Variants in EPHA6 observed in about 807,000 individuals in gnomAD.
The protein encoded by EPHA6 is EPH receptor A6.
A neutral mutation model predicts 112.0 loss-of-function variants in EPHA6; 50 were observed. The observed-to-expected ratio is 0.45, with a 90% CI of 0.36 to 0.56. The LOEUF (loss-of-function observed/expected upper bound fraction) is 0.56, where lower values mean the gene tolerates loss of function less well. Among genes scored for constraint, EPHA6 ranks in the 20% least tolerant of loss-of-function variants. EPHA6 has a pLI of 0.00. For missense variants in EPHA6, 1,280 were observed against 1,417.4 expected (o/e 0.90, Z 1.56); for synonymous variants, 529 against 490.7 (o/e 1.08, Z -1.03).
At chr3:97,070,065 CAT>C (rs745679422) in intron 3 of EPHA6, among the ~76,000 whole-genome samples, 5 of 152,140 alleles carry the variant, frequency 3.3e-5, no homozygotes, top group Non-Finnish European at 5.9e-5. Flanking sequence ...TCTCAGAGCA[CAT>C]GTCAGGAAAA....
intron 14 of EPHA6, among the ~76,000 whole-genome samples, chr3:97,639,805 T>C (rs1262419378): frequency 1.3e-5 from 2 of 152,196 alleles, no homozygotes; most frequent in African/African-American, 4.8e-5. Flanking sequence ...AAAATTTAGA[T>C]TGGACCCCAG....
At chr3:97,046,881 C>T (rs1013879794) in intron 3 of EPHA6, among the ~76,000 whole-genome samples, 4 of 151,960 alleles carry the variant, frequency 2.6e-5, no homozygotes, top group African/African-American at 9.7e-5. Context: ...AGATGAAAAA[C>T]TTCAATACTA....
intron 2 of EPHA6, among the ~76,000 whole-genome samples, chr3:96,875,920 GTTAT>G (rs2036916938): frequency 2.0e-5 from 3 of 149,820 alleles, no homozygotes; most frequent in South Asian, 2.1e-4. Flanking sequence ...GAAGTTTCTG[GTTAT>G]TTCTTTTAAA....
chr3:97,503,322 A>G (rs2092171687), intron 10 of EPHA6, among the ~76,000 whole-genome samples: 1 of 152,204 alleles, frequency 6.6e-6, no homozygotes, highest in Non-Finnish European at 1.5e-5. Context: ...AGATAAATCC[A>G]ATTTTACACA....
chr3:97,319,084 C>A lies in EPHA6; in HGVS notation c.1606+74797C>A, dbSNP rs1287976984. ...TATATTGAGAGTTCTTAGAGAAATT[C>A]TCTTACGACATCACTTGTACTTTTA... On this transcript the variant is annotated intron_variant, in intron 5 of 17. Coordinates refer to ENST00000389672, the MANE Select transcript of EPHA6 (RefSeq NM_001080448.3). Among the ~76,000 whole-genome samples, 5 of 151,638 alleles carry A rather than the reference C, an allele frequency of 3.3e-5. No homozygotes were observed. The East Asian group carries it at 9.7e-4, about 29-fold the overall frequency.
intron 1 of EPHA6, among the ~76,000 whole-genome samples, chr3:96,840,149 A>T (rs778983226): frequency 4.6e-5 from 7 of 152,088 alleles, no homozygotes; most frequent in Non-Finnish European, 7.4e-5. Context: ...GTCTGGTCCC[A>T]ATCATCAGGG....
intron 5 of EPHA6, among the ~76,000 whole-genome samples, chr3:97,263,753 TGATAA>T (rs1278469808): frequency 1.3e-5 from 2 of 151,968 alleles, no homozygotes; most frequent in African/African-American, 2.4e-5. Context: ...AGAAGAAAAA[TGATAA>T]GATGAGGTGT....
chr3:97,634,965 A>C lies in EPHA6; in HGVS notation c.2575-2908A>C, dbSNP rs550180251. Among the ~76,000 whole-genome samples, 123 of 150,670 alleles carry C rather than the reference A, an allele frequency of 8.2e-4. 1 individual carries two copies. Among genetic ancestry groups the C allele is most frequent in the African/African-American group, 2.5e-3 (103 of 41,084 alleles). On this transcript the variant is annotated intron_variant, in intron 13 of 17. Coordinates refer to ENST00000389672, the MANE Select transcript of EPHA6 (RefSeq NM_001080448.3). ...TTTTTTTTTTTTTAATCTTTCTGTG[A>C]GTGCCTGTGTCAGAGAAGAATATGA...
chr3:97,005,183 T>C (rs1472367568), intron 3 of EPHA6, among the ~76,000 whole-genome samples: 2 of 152,214 alleles, frequency 1.3e-5, no homozygotes, highest in Non-Finnish European at 2.9e-5. Flanking sequence ...GGGAATAGCA[T>C]TGAATCTATA....
intron 14 of EPHA6, among the ~76,000 whole-genome samples, chr3:97,706,928 T>C (rs1375188889): frequency 6.6e-6 from 1 of 152,154 alleles, no homozygotes; most frequent in African/African-American, 2.4e-5. Flanking sequence ...ACAAGAAGCA[T>C]GTCTTCCTTG....
At chr3:97,733,829 A>G (rs968784867) in intron 15 of EPHA6, among the ~76,000 whole-genome samples, 2 of 152,120 alleles carry the variant, frequency 1.3e-5, no homozygotes, top group African/African-American at 2.4e-5. Flanking sequence ...TGAAGTCCAA[A>G]TAGCAGATGC....
intron 3 of EPHA6, among the ~76,000 whole-genome samples, chr3:97,046,957 A>G (rs2045528627): frequency 6.6e-6 from 1 of 152,170 alleles, no homozygotes; most frequent in African/African-American, 2.4e-5. Flanking sequence ...ATTCAGTTTA[A>G]AATTTTTATT....
Position 96,837,909 on chromosome 3 carries a change from G to A in EPHA6, c.385+22901G>A, listed in dbSNP as rs80173475. On this transcript the variant is annotated intron_variant, in intron 1 of 17. Coordinates refer to ENST00000389672, the MANE Select transcript of EPHA6 (RefSeq NM_001080448.3). ...CTTTAAGTTCAAGGGTAAATATGCAGGATGTGCAGGTTTGTTACACAGGTA... is the reference window on the plus strand; with the variant it reads ...CTTTAAGTTCAAGGGTAAATATGCAAGATGTGCAGGTTTGTTACACAGGTA... Among the ~76,000 whole-genome samples, 9 of 152,030 alleles carry A rather than the reference G, an allele frequency of 5.9e-5. No individual in the cohort carries two copies. The East Asian group carries it at 1.8e-3, about 30-fold the overall frequency.
At chr3:96,920,532 T>C (rs2039701642) in intron 2 of EPHA6, among the ~76,000 whole-genome samples, 1 of 151,970 alleles carries the variant, frequency 6.6e-6, no homozygotes, top group Non-Finnish European at 1.5e-5. Context: ...TTAAGTTCTA[T>C]TTACAAAAAC....
chr3:96,895,404 T>G (rs531825997), intron 2 of EPHA6, among the ~76,000 whole-genome samples: 2 of 152,162 alleles, frequency 1.3e-5, no homozygotes, highest in African/African-American at 2.4e-5. Context: ...AAATTAAAAG[T>G]CTGTAAATCA....
intron 4 of EPHA6, among the ~76,000 whole-genome samples, chr3:97,228,778 G>A (rs2108549762): frequency 6.6e-6 from 1 of 152,108 alleles, no homozygotes; most frequent in East Asian, 1.9e-4. Context: ...TCTCCTTTTA[G>A]TTCTTTAAGG....
intron 14 of EPHA6, among the ~76,000 whole-genome samples, chr3:97,646,820 A>C (rs760785278): frequency 6.6e-6 from 1 of 152,176 alleles, no homozygotes; most frequent in Non-Finnish European, 1.5e-5. Context: ...CAAGGGACAG[A>C]AGTCTTGGAT....
intron 5 of EPHA6, among the ~76,000 whole-genome samples, chr3:97,403,354 T>G (rs2109118055): frequency 6.6e-6 from 1 of 152,324 alleles, no homozygotes; most frequent in African/African-American, 2.4e-5. Flanking sequence ...TAAAGCTATG[T>G]TTAACAGTTC....
rs144030124 is a variant in EPHA6, at chr3:97,272,474, C to T, written c.1606+28187C>T. Among the ~76,000 whole-genome samples, 870 of 152,152 alleles carry T rather than the reference C, an allele frequency of 5.7e-3. 8 individuals carry two copies. Among genetic ancestry groups the T allele is most frequent in the African/African-American group, 0.019 (786 of 41,496 alleles). ...CCGAGATGATATTTTCACTTGCGTC[C>T]GTGTGAAGAGACCACCAAACAGGCT... On this transcript the variant is annotated intron_variant, in intron 5 of 17. Coordinates refer to ENST00000389672, the MANE Select transcript of EPHA6 (RefSeq NM_001080448.3).
Sources: allele counts gnomAD v4.1 joint callset (sites outside exome capture counted in the v4.1 genomes callset), GRCh38; gene constraint gnomAD v4.1.1; transcripts MANE v1.5; gene names NCBI Gene and HGNC (gene_info 2026-07-23, HGNC 2026-07-21).